GPHN: variants seen among roughly 807,000 people sequenced by gnomAD.
GPHN encodes gephyrin.
In GPHN, 17 loss-of-function variants were observed where a neutral mutation model predicts 95.5. The observed-to-expected ratio is 0.18, with a 90% CI of 0.12 to 0.27. The LOEUF (loss-of-function observed/expected upper bound fraction) is 0.27, where lower values mean the gene tolerates loss of function less well. Ranked by LOEUF, GPHN falls within the 10% of genes least tolerant of loss-of-function variation. GPHN has a pLI of 1.00. For missense variants in GPHN, 660 were observed against 978.1 expected, an observed-to-expected ratio of 0.67 and a Z score of 4.34; for synonymous variants, 320 against 322.5, an observed-to-expected ratio of 0.99 and a Z score of 0.08.
At chr14:67,241,488 G>C in the GPHN span, 2 of 153,758 alleles carry the variant, frequency 1.3e-5, no homozygotes, top group Non-Finnish European at 2.9e-5. Context: ...TCTGCAGTGC[G>C]TAGGAGCGGC....
In GPHN at chr14:66,682,136, A is replaced by G. The variant is rs7143922; in HGVS notation, c.143+951A>G. 2.1e-3 allele frequency among the ~76,000 whole-genome samples: 326 copies of G among 152,282 alleles called. 2 individuals are homozygous for G. The highest frequency in any genetic ancestry group is 4.0e-3 in the Non-Finnish European group (271 of 68,012). On this transcript the variant is annotated intron_variant, in intron 2 of 22. Transcript: ENST00000478722. ...TATGAGAGTGCTGAAAATGTATCGA[A>G]TATTGAAGTTTATATATGATGTCGT...
intron 3 of GPHN, among the ~76,000 whole-genome samples, chr14:66,804,535 T>C (rs2060474238): frequency 6.6e-6 from 1 of 152,162 alleles, no homozygotes; most frequent in Non-Finnish European, 1.5e-5. Flanking sequence ...TGAGCTTGGG[T>C]TTATTCAAAT....
At chr14:67,112,860 G>C (rs754926855) in intron 15 of GPHN, among the ~76,000 whole-genome samples, 158 bp from the exon 16 acceptor site, 14 of 152,052 alleles carry the variant, frequency 9.2e-5, no homozygotes. Flanking sequence ...AAAAAGCATA[G>C]GATTTTTAGA....
chr14:67,556,732 A>T, the GPHN span, among the ~76,000 whole-genome samples: 1 of 152,236 alleles, frequency 6.6e-6, no homozygotes, highest in African/African-American at 2.4e-5. Flanking sequence ...TTTTAAAAAA[A>T]TTTTAAATAA....
At chr14:67,217,338 G>A in the GPHN span, among the ~76,000 whole-genome samples, 1 of 151,816 alleles carries the variant, frequency 6.6e-6, no homozygotes. Context: ...CATATAGTTG[G>A]GTCATTTTTT....
At chr14:66,977,867 G>T (rs894063011) in intron 9 of GPHN, among the ~76,000 whole-genome samples, 1 of 152,076 alleles carries the variant, frequency 6.6e-6, no homozygotes, top group Non-Finnish European at 1.5e-5. Context: ...TTTCAGATTT[G>T]TAGCCAAACT....
At chr14:67,444,768 TTGTG>T in the GPHN span, among the ~76,000 whole-genome samples, 9 of 151,992 alleles carry the variant, frequency 5.9e-5, no homozygotes, top group Non-Finnish European at 1.3e-4. Flanking sequence ...AAACTCTTTT[TTGTG>T]TGTGTGTGAC....
In GPHN at chr14:66,937,384, AT is replaced by A. The variant is rs112358245; in HGVS notation, c.828+13107del. Among the ~76,000 whole-genome samples, 415 of 141,544 alleles carry A rather than the reference AT, an allele frequency of 2.9e-3. 6 individuals carry two copies. Among genetic ancestry groups the A allele is most frequent in the Middle Eastern group, 3.7e-3 (1 of 272 alleles). The allele number at this position is 141,544 out of a possible 152,430, so 92.9% of individuals were successfully genotyped here. On this transcript the variant is annotated intron_variant, in intron 8 of 22. Coordinates refer to ENST00000478722, the MANE Select transcript of GPHN (RefSeq NM_020806.5). Reference sequence around the variant, plus strand: ...GCTGATTCGTTACATAACTGGAGCAATTTTTTTTTTTTTTTGAGACTGAGTC... The same window carrying A: ...GCTGATTCGTTACATAACTGGAGCAATTTTTTTTTTTTTTGAGACTGAGTC...
the GPHN span, among the ~76,000 whole-genome samples, chr14:67,303,090 A>G: frequency 2.0e-5 from 3 of 152,218 alleles, no homozygotes; most frequent in Admixed American, 1.3e-4. Flanking sequence ...CTGCATTTCA[A>G]GTGCTGAGAA....
At chr14:67,465,819 G>A in the GPHN span, among the ~76,000 whole-genome samples, 9 of 152,158 alleles carry the variant, frequency 5.9e-5, no homozygotes, top group Non-Finnish European at 1.3e-4. Flanking sequence ...GGATTACCCG[G>A]GTGGGCCCTA....
chr14:67,291,506 A>G, the GPHN span, among the ~76,000 whole-genome samples: 1 of 151,888 alleles, frequency 6.6e-6, no homozygotes, highest in African/African-American at 2.4e-5. Flanking sequence ...GCTGGTCTCG[A>G]ACTCCTGACC....
At chr14:67,284,658 C>G in the GPHN span, among the ~76,000 whole-genome samples, 2 of 149,142 alleles carry the variant, frequency 1.3e-5, no homozygotes, top group Non-Finnish European at 3.0e-5. Context: ...CTATTCTGTC[C>G]ACCACCTGGC....
chr14:67,582,305 G>T, the GPHN span: 74 of 1,589,234 alleles, frequency 4.7e-5, no homozygotes, highest in Non-Finnish European at 6.2e-5. The surrounding 1 kb of genome is among the most constrained non-coding windows in gnomAD (Gnocchi z 5.0). Flanking sequence ...TGCAGATCCT[G>T]TGGTGCTCAG....
At chr14:67,221,006 T>G in the GPHN span, among the ~76,000 whole-genome samples, 1 of 152,210 alleles carries the variant, frequency 6.6e-6, no homozygotes, top group African/African-American at 2.4e-5. Flanking sequence ...AAATACTTAT[T>G]GAAAATGTGT....
the GPHN span, among the ~76,000 whole-genome samples, chr14:67,609,293 C>T: frequency 3.3e-5 from 5 of 152,216 alleles, no homozygotes; most frequent in Admixed American, 2.6e-4. Context: ...TTTATTATAA[C>T]GCATATTTTA....
intron 2 of GPHN, among the ~76,000 whole-genome samples, chr14:66,692,613 C>T (rs112919289): frequency 2.0e-5 from 3 of 151,872 alleles, no homozygotes; most frequent in Non-Finnish European, 4.4e-5. Context: ...TTTTTCTTAT[C>T]GAACAGTTTT....
chr14:67,487,104 A>T, the GPHN span: 1 of 152,266 alleles, frequency 6.6e-6, no homozygotes, highest in African/African-American at 2.4e-5. Context: ...ATTCTCAGCA[A>T]CGTAGGCAAG....
intron 1 of GPHN, among the ~76,000 whole-genome samples, chr14:66,528,288 C>A (rs952796294): frequency 5.3e-5 from 8 of 152,126 alleles, no homozygotes; most frequent in African/African-American, 1.9e-4. Flanking sequence ...ATTGCCACTT[C>A]TGCTTTTTTT....
At position 66,994,680 on chromosome 14, in the gene GPHN, G is replaced by A. The variant is rs149812241; in HGVS notation, c.964-28953G>A. ...AAAGTATTTCAGTTTTATGGGCATA[G>A]ATATAGACACAGAACAAACATACAC... On this transcript the variant is annotated intron_variant, in intron 9 of 22. Coordinates refer to ENST00000478722, the MANE Select transcript of GPHN (RefSeq NM_020806.5). Among the ~76,000 whole-genome samples, 306 of 152,322 alleles carry A rather than the reference G, an allele frequency of 2.0e-3. 1 individual carries two copies. Among genetic ancestry groups the A allele is most frequent in the African/African-American group, 7.1e-3 (296 of 41,584 alleles).
Sources: gnomAD v4.1 joint callset for allele counts (sites outside exome capture counted in the v4.1 genomes callset) on GRCh38, gnomAD v4.1.1 for gene constraint, Gnocchi (gnomAD v3.1) non-coding constraint, MANE v1.5 for transcripts, NCBI Gene and HGNC (gene_info 2026-07-23, HGNC 2026-07-21) for gene names.